The following PLEKHM3 variants were observed in gnomAD, a reference collection of about 807,000 sequenced individuals.
The protein encoded by PLEKHM3 is pleckstrin homology domain containing M3.
In PLEKHM3, 45 loss-of-function variants were observed where a neutral mutation model predicts 81.8. That is an observed-to-expected ratio of 0.55 (90% confidence interval 0.43 to 0.71). PLEKHM3 has a LOEUF of 0.71. PLEKHM3 is among the 30% of genes least tolerant of loss of function. PLEKHM3 has a pLI of 0.00. For synonymous variants in PLEKHM3, 352 were observed against 356.4 expected (o/e 0.99, Z 0.14); for missense variants, 788 against 924.3 (o/e 0.85, Z 1.91).
At chr2:207,933,187 G>C (rs568117137) in intron 4 of PLEKHM3, among the ~76,000 whole-genome samples, 2 of 152,210 alleles carry the variant, frequency 1.3e-5, no homozygotes, top group South Asian at 4.1e-4. Context: ...TATCTAACCA[G>C]ATTGGAAATA....
chr2:207,879,817 A>C (rs2092577510), intron 6 of PLEKHM3, among the ~76,000 whole-genome samples: 1 of 152,232 alleles, frequency 6.6e-6, no homozygotes, highest in African/African-American at 2.4e-5. Flanking sequence ...GATTGTGAAA[A>C]GCATTTTATT....
intron 2 of PLEKHM3, among the ~76,000 whole-genome samples, chr2:207,987,649 C>G (rs1030417971): frequency 6.6e-6 from 1 of 152,156 alleles, no homozygotes; most frequent in Non-Finnish European, 1.5e-5. Context: ...CTCTTTGACT[C>G]TAGAGACAAA....
At chr2:207,973,736 T>A (rs535768594) in intron 3 of PLEKHM3, among the ~76,000 whole-genome samples, 1 of 150,072 alleles carries the variant, frequency 6.7e-6, no homozygotes, top group African/African-American at 2.5e-5. Flanking sequence ...CGAAACTCCA[T>A]CTCAAAAAAA....
intron 6 of PLEKHM3, among the ~76,000 whole-genome samples, chr2:207,873,992 A>G (rs2092547540): frequency 6.6e-6 from 1 of 152,106 alleles, no homozygotes; most frequent in Non-Finnish European, 1.5e-5. Flanking sequence ...ATTGTCTAAG[A>G]TGGTTGGGGA....
chr2:207,860,198 T>TGTGTGTGTGG (rs1574343635), intron 7 of PLEKHM3, among the ~76,000 whole-genome samples: 1 of 151,284 alleles, frequency 6.6e-6, no homozygotes, highest in East Asian at 1.9e-4. Context: ...TGTGTGTGTG[T>TGTGTGTGTGG]GTGTGTGTAT....
chr2:207,996,970 T>C (rs1235922445), intron 2 of PLEKHM3, among the ~76,000 whole-genome samples: 1 of 151,622 alleles, frequency 6.6e-6, no homozygotes, highest in Non-Finnish European at 1.5e-5. Context: ...TCACAAGAAA[T>C]TGAGGTCAGT....
chr2:207,964,934 T>G (rs1208897486), intron 3 of PLEKHM3, among the ~76,000 whole-genome samples: 1 of 152,168 alleles, frequency 6.6e-6, no homozygotes, highest in East Asian at 1.9e-4. Context: ...TACAAATGAT[T>G]AGATGAAAAT....
At chr2:207,903,833 C>T (rs557867345) in intron 6 of PLEKHM3, among the ~76,000 whole-genome samples, 3 of 152,288 alleles carry the variant, frequency 2.0e-5, no homozygotes, top group Admixed American at 1.3e-4. Flanking sequence ...AGATAGCTGA[C>T]GCCAAAAGTT....
chr2:208,003,919 A>G (rs1366223151), intron 1 of PLEKHM3, among the ~76,000 whole-genome samples: 1 of 152,254 alleles, frequency 6.6e-6, no homozygotes, highest in Non-Finnish European at 1.5e-5. Flanking sequence ...TAAAGAAGGC[A>G]CCAAGGTTCA....
chr2:207,981,296 T>C (rs1281995506), intron 2 of PLEKHM3, among the ~76,000 whole-genome samples: 1 of 152,162 alleles, frequency 6.6e-6, no homozygotes, highest in East Asian at 1.9e-4. Flanking sequence ...CATAAAGGGC[T>C]AGAGAACTAC....
chr2:208,010,898 G>C (rs1190137487), intron 1 of PLEKHM3, among the ~76,000 whole-genome samples: 1 of 152,078 alleles, frequency 6.6e-6, no homozygotes, highest in African/African-American at 2.4e-5. Flanking sequence ...GGTTTTTACA[G>C]AAAATAATCA....
chr2:207,839,032 C>G (rs2092335013), intron 7 of PLEKHM3, among the ~76,000 whole-genome samples: 1 of 152,094 alleles, frequency 6.6e-6, no homozygotes, highest in African/African-American at 2.4e-5. Flanking sequence ...TATATATGAA[C>G]TTCTCATGAT....
intron 5 of PLEKHM3, among the ~76,000 whole-genome samples, chr2:207,927,783 T>C (rs1689451696): frequency 6.6e-6 from 1 of 152,092 alleles, no homozygotes; most frequent in African/African-American, 2.4e-5. Context: ...TGAGCCAAGA[T>C]CGTGCCACTG....
At chr2:207,890,065 A>G (rs1404595809) in intron 6 of PLEKHM3, among the ~76,000 whole-genome samples, 1 of 152,124 alleles carries the variant, frequency 6.6e-6, no homozygotes, top group Non-Finnish European at 1.5e-5. Context: ...TTGGCCTCCC[A>G]AAGTGCTGGG....
chr2:207,844,342 G>A (rs1231249492), intron 7 of PLEKHM3, among the ~76,000 whole-genome samples: 17 of 131,052 alleles, frequency 1.3e-4, no homozygotes, highest in African/African-American at 4.8e-4. Flanking sequence ...TCGCTCTGTT[G>A]CCCAGGCTGG....
intron 3 of PLEKHM3, among the ~76,000 whole-genome samples, chr2:207,967,879 G>A (rs1016121310): frequency 6.6e-6 from 1 of 152,100 alleles, no homozygotes; most frequent in Non-Finnish European, 1.5e-5. Flanking sequence ...CACAGCTGGT[G>A]AGTAGAACCA....
intron 7 of PLEKHM3, among the ~76,000 whole-genome samples, chr2:207,858,646 A>G (rs2092449643): frequency 6.6e-6 from 1 of 151,934 alleles, no homozygotes; most frequent in Admixed American, 6.6e-5. Flanking sequence ...ACGTCCAGCT[A>G]ATTTTTATAT....
chr2:207,923,855 G>GCACACACACACACACACACACA (rs1157865708), intron 5 of PLEKHM3, among the ~76,000 whole-genome samples: 4 of 18,896 alleles, frequency 2.1e-4, no homozygotes, highest in African/African-American at 5.6e-4. Flanking sequence ...ACACACGCAC[G>GCACACACACACACACACACACA]CACACACACA....
intron 7 of PLEKHM3, among the ~76,000 whole-genome samples, chr2:207,859,136 C>CTTTTTTTTTTTTTTTTTTTTTTTTTT: frequency 8.4e-6 from 1 of 118,356 alleles, no homozygotes; most frequent in African/African-American, 3.1e-5. Flanking sequence ...TTTTCTTTTT[C>CTTTTTTTTTTTTTTTTTTTTTTTTTT]TTTTTTTTTT....
Sources: allele counts gnomAD v4.1 joint callset (sites outside exome capture counted in the v4.1 genomes callset), GRCh38; gene constraint gnomAD v4.1.1; transcripts MANE v1.5; gene names NCBI Gene and HGNC (gene_info 2026-07-23, HGNC 2026-07-21).